Variants in TNR observed in about 807,000 individuals in gnomAD.
TNR encodes the protein tenascin R.
A neutral mutation model predicts 150.4 loss-of-function variants in TNR; 45 were observed. The observed-to-expected ratio is 0.30, with a 90% confidence interval of 0.24 to 0.38. The LOEUF (loss-of-function observed/expected upper bound fraction) is 0.38, where lower values mean the gene tolerates loss of function less well. Among genes scored for constraint, TNR ranks in the 10% least tolerant of loss-of-function variants. The pLI, the probability that TNR is intolerant of heterozygous loss-of-function variation, is 1.00. For missense variants in TNR, 1,544 were observed against 1,759.1 expected (o/e 0.88, Z 2.19); for synonymous variants, 687 against 678.4 (o/e 1.01, Z -0.20).
At chr1:175,726,473 A>G (rs1258726594) in intron 1 of TNR, among the ~76,000 whole-genome samples, 1 of 152,240 alleles carries the variant, frequency 6.6e-6, no homozygotes, top group African/African-American at 2.4e-5. Flanking sequence ...ATCCCTCCTC[A>G]AACTCCTAAG....
At chr1:175,683,710 CAG>C (rs1666107870) in intron 1 of TNR, among the ~76,000 whole-genome samples, 1 of 152,128 alleles carries the variant, frequency 6.6e-6, no homozygotes, top group African/African-American at 2.4e-5. Flanking sequence ...AGGGAAAGGA[CAG>C]ATGAGGAAAG....
chr1:175,517,012 TGAGAGAGAGAGAGAGAGAGAGAGAGA>T (rs58416273), intron 2 of TNR, among the ~76,000 whole-genome samples: 23 of 120,452 alleles, frequency 1.9e-4, no homozygotes, highest in African/African-American at 3.1e-5. Context: ...ATCTGAAAGC[TGAGAGAGAGAGAGAGAGAGAGAGAGA>T]GAGAGAGAGA....
At chr1:175,440,270 C>G (rs896731997) in intron 2 of TNR, among the ~76,000 whole-genome samples, 1 of 151,262 alleles carries the variant, frequency 6.6e-6, no homozygotes, top group Non-Finnish European at 1.5e-5. Flanking sequence ...CAAACTATCA[C>G]GAGGACAAAA....
intron 1 of TNR, among the ~76,000 whole-genome samples, chr1:175,533,423 T>A (rs1359929509): frequency 6.6e-6 from 1 of 152,224 alleles, no homozygotes; most frequent in African/African-American, 2.4e-5. Context: ...TGTAGTTAAA[T>A]GGCTAGTCCT....
intron 1 of TNR, among the ~76,000 whole-genome samples, chr1:175,712,507 A>G (rs984898092): frequency 2.0e-5 from 3 of 152,180 alleles, no homozygotes; most frequent in Non-Finnish European, 4.4e-5. Flanking sequence ...AGGTAGCAGG[A>G]CAAGGCTTGG....
Position 175,524,263 on chromosome 1 carries a change from C to A in TNR, c.-64+4006G>T, listed in dbSNP as rs552884070. ...TAGTATATGCTACATGCATGTCTGC[C>A]GAATTATGTTGAATTTGTTGCACGG... On this transcript the variant is annotated intron_variant, in intron 2 of 22. Coordinates refer to ENST00000367674, the MANE Select transcript of TNR (RefSeq NM_003285.3). Among the ~76,000 whole-genome samples, 5 of 152,002 alleles carry A rather than the reference C, an allele frequency of 3.3e-5. No homozygotes were observed. In the South Asian group the frequency reaches 1.0e-3, roughly 32 times the overall value.
intron 21 of TNR, among the ~76,000 whole-genome samples, chr1:175,327,231 A>T (rs1023731634): frequency 1.3e-5 from 2 of 152,082 alleles, no homozygotes; most frequent in East Asian, 1.9e-4. Flanking sequence ...GATTGCTCCC[A>T]GTGTTGGTCT....
intron 1 of TNR, among the ~76,000 whole-genome samples, chr1:175,648,740 T>C (rs914843190): frequency 3.9e-5 from 6 of 152,218 alleles, no homozygotes; most frequent in Non-Finnish European, 1.5e-5. Flanking sequence ...TTCTCCTCTT[T>C]ACCTCTGACA....
intron 10 of TNR, among the ~76,000 whole-genome samples, 181 bp downstream of exon 10, chr1:175,367,026 TG>T (rs1651872481): frequency 6.6e-6 from 1 of 152,224 alleles, no homozygotes; most frequent in Admixed American, 6.5e-5. Context: ...GACTCTGTCC[TG>T]CCTGTCAGAG....
chr1:175,436,858 C>T (rs1478004009), intron 2 of TNR, among the ~76,000 whole-genome samples: 1 of 152,184 alleles, frequency 6.6e-6, no homozygotes, highest in Non-Finnish European at 1.5e-5. Context: ...GCACCCAATA[C>T]AGGAGTACCC....
chr1:175,386,109 C>T lies in TNR; in HGVS notation c.1700G>A (p.Gly567Asp), dbSNP rs1434349779. The change falls in exon 8 of 23, where the codon GGC becomes GAC. Residue 567 changes from glycine to aspartate, a missense_variant. Around this residue, in one of 2 missense-constraint regions of TNR, gnomAD observed 1,254 missense variants for 1,329.4 expected, o/e 0.94. Transcript: ENST00000367674. ...SQYSVQALRP[G>D]SRYEVSVSAV... ...ACTGACTGACACCTCGTATCGGGAG[C>T]CAGGCCGCAGGGCCTGCACTGAGTA... 6.2e-7 allele frequency: 1 copy of T among 1,612,554 alleles called. No homozygotes were observed. Among genetic ancestry groups the T allele is most frequent in the Non-Finnish European group, 8.5e-7 (1 of 1,178,918 alleles).
At chr1:175,573,084 G>A (rs984234549) in intron 1 of TNR, among the ~76,000 whole-genome samples, 1 of 152,146 alleles carries the variant, frequency 6.6e-6, no homozygotes, top group Non-Finnish European at 1.5e-5. Flanking sequence ...AGTTTTTAGT[G>A]GTCCAAATTG....
intron 1 of TNR, among the ~76,000 whole-genome samples, chr1:175,587,211 G>T (rs1662609440): frequency 6.6e-6 from 1 of 152,174 alleles, no homozygotes; most frequent in African/African-American, 2.4e-5. Flanking sequence ...CATAACAGTT[G>T]CTGGCTTAGG....
intron 1 of TNR, among the ~76,000 whole-genome samples, chr1:175,558,811 T>C (rs1183184792): frequency 6.6e-6 from 1 of 152,120 alleles, no homozygotes; most frequent in African/African-American, 2.4e-5. Flanking sequence ...AGCGAGAAAT[T>C]TTAGGGCAGT....
intron 1 of TNR, among the ~76,000 whole-genome samples, chr1:175,674,106 G>A (rs556243852): frequency 6.6e-6 from 1 of 152,294 alleles, no homozygotes; most frequent in Non-Finnish European, 1.5e-5. Flanking sequence ...GGGGGAGTGA[G>A]GGTCTAAAAC....
intron 15 of TNR, among the ~76,000 whole-genome samples, chr1:175,357,700 T>C (rs529793629): frequency 2.6e-5 from 4 of 152,340 alleles, no homozygotes; most frequent in African/African-American, 9.6e-5. Context: ...CCTCCACACC[T>C]TGACCCTATT....
In TNR at chr1:175,601,725, C is replaced by T. The variant is rs906776792; in HGVS notation, c.-164-73356G>A. Among the ~76,000 whole-genome samples the T allele has an allele frequency of 2.0e-5, 3 of 152,284 alleles. No individual in the cohort carries two copies. The South Asian group carries it at 6.2e-4, about 32-fold the overall frequency. ...CCTAGAGAGAAATCGCTCCCCTCTC[C>T]ACTCACTTATGATCTGTAAGATGAG... On this transcript the variant is annotated intron_variant, in intron 1 of 22. Transcript: ENST00000367674.
chr1:175,587,297 G>A (rs144282972), intron 1 of TNR, among the ~76,000 whole-genome samples: 43 of 152,264 alleles, frequency 2.8e-4, no homozygotes, highest in African/African-American at 8.9e-4. Flanking sequence ...ATGCAGAGTG[G>A]CATAAAAGAA....
chr1:175,506,095 G>A (rs952334977), intron 2 of TNR, among the ~76,000 whole-genome samples: 1 of 152,202 alleles, frequency 6.6e-6, no homozygotes, highest in Non-Finnish European at 1.5e-5. Flanking sequence ...TTACCTACCA[G>A]GTGAGGTGGG....
Sources: allele counts gnomAD v4.1 joint callset (sites outside exome capture counted in the v4.1 genomes callset), GRCh38; gene constraint gnomAD v4.1.1; regional missense constraint gnomAD v4.1.1; transcripts MANE v1.5; gene names NCBI Gene and HGNC (gene_info 2026-07-23, HGNC 2026-07-21).